Variants in EBF1 observed in about 807,000 individuals in gnomAD.
EBF1 encodes the protein transcription factor COE1.
In EBF1, 10 loss-of-function variants were observed where a neutral mutation model predicts 68.4. The observed-to-expected ratio is 0.15, with a 90% CI of 0.09 to 0.25. EBF1 has a LOEUF of 0.25. Among genes scored for constraint, EBF1 ranks in the 10% least tolerant of loss-of-function variants. The pLI is 1.00. For missense variants in EBF1, 509 were observed against 794.4 expected (o/e 0.64, Z 4.32); for synonymous variants, 298 against 299.8 (o/e 0.99, Z 0.06).
At chr5:158,704,541 C>T (rs1757450718) in intron 15 of EBF1, among the ~76,000 whole-genome samples, 1 of 152,062 alleles carries the variant, frequency 6.6e-6, no homozygotes, top group Admixed American at 6.5e-5. Flanking sequence ...GAAGTAGGTG[C>T]TACTGTAACA....
intron 9 of EBF1, among the ~76,000 whole-genome samples, chr5:158,785,181 A>T (rs2127709422): frequency 6.6e-6 from 1 of 152,318 alleles, no homozygotes; most frequent in Admixed American, 6.5e-5. Flanking sequence ...GCATAATTAA[A>T]GCTCTAGAAC....
At chr5:158,831,892 GA>G (rs1465907296) in intron 7 of EBF1, among the ~76,000 whole-genome samples, 1 of 152,184 alleles carries the variant, frequency 6.6e-6, no homozygotes, top group Non-Finnish European at 1.5e-5. Context: ...CCTGAGGCAG[GA>G]ATGAGTTTGG....
intron 6 of EBF1, among the ~76,000 whole-genome samples, chr5:159,013,374 C>G (rs1215936944): frequency 6.6e-6 from 1 of 152,162 alleles, no homozygotes; most frequent in African/African-American, 2.4e-5. Flanking sequence ...CTAGGCATGT[C>G]TCTGAAGGAC....
intron 7 of EBF1, among the ~76,000 whole-genome samples, chr5:158,824,152 A>G (rs959512560): frequency 6.6e-6 from 1 of 152,234 alleles, no homozygotes; most frequent in Non-Finnish European, 1.5e-5. Context: ...ATGTTTATTC[A>G]TGCGACCTCT....
At position 158,698,652 on chromosome 5, in the gene EBF1, TTC is replaced by T. The variant is rs200964623; in HGVS notation, c.*457_*458del. On this transcript the variant is annotated 3_prime_UTR_variant, in exon 16 of 16. Transcript: ENST00000313708. Reference sequence around the variant, plus strand: ...CTGTCCCATACAAGCTTTTTTTTTTTTCCTTTTTTTCTTTTTTTTTTTTTTTA... The same window carrying T: ...CTGTCCCATACAAGCTTTTTTTTTTTCTTTTTTTCTTTTTTTTTTTTTTTA... The T allele has an allele frequency of 4.2e-4, 82 of 193,030 alleles. No individual in the cohort carries two copies. Among genetic ancestry groups the T allele is most frequent in the African/African-American group, 1.6e-3 (70 of 42,994 alleles). 12.0% of individuals were successfully genotyped at this position (193,030 alleles called of 1,614,324 possible). A position where few individuals can be genotyped will look rare whatever the true frequency, so the allele number is the denominator to read the frequency against.
intron 6 of EBF1, among the ~76,000 whole-genome samples, chr5:159,067,927 T>C (rs773271039): frequency 1.9e-4 from 29 of 152,142 alleles, no homozygotes; most frequent in Non-Finnish European, 4.0e-4. Flanking sequence ...AGTGAATTCC[T>C]CCTCCTTTTA....
chr5:159,041,749 C>T lies in EBF1; in HGVS notation c.554+31647G>A, dbSNP rs114028103. ...AGAAATCCATAAACTAGAAACAGAC[C>T]AGCTCCTATATTTAGTTCCTTCCTG... On this transcript the variant is annotated intron_variant, in intron 6 of 15. Transcript: ENST00000313708. Among the ~76,000 whole-genome samples the T allele has an allele frequency of 5.5e-3, 843 of 152,188 alleles. 18 individuals are homozygous for T. The highest frequency in any genetic ancestry group is 0.02 in the African/African-American group (822 of 41,508).
intron 6 of EBF1, among the ~76,000 whole-genome samples, chr5:158,970,503 C>T (rs1476204945): frequency 6.6e-6 from 1 of 152,192 alleles, no homozygotes; most frequent in Non-Finnish European, 1.5e-5. Context: ...AGGTCACTGG[C>T]ACACTCCTTA....
At chr5:158,728,259 A>G (rs1168693982) in intron 11 of EBF1, among the ~76,000 whole-genome samples, 1 of 152,202 alleles carries the variant, frequency 6.6e-6, no homozygotes, top group Admixed American at 6.5e-5. Context: ...GGCTCCGGCC[A>G]GCCCTTGCAC....
chr5:158,737,177 G>C (rs545449875), intron 10 of EBF1, among the ~76,000 whole-genome samples: 1 of 147,930 alleles, frequency 6.8e-6, no homozygotes, highest in Non-Finnish European at 1.5e-5. Flanking sequence ...TCTGCAACAA[G>C]AAGGGTGTCA....
chr5:159,010,131 C>A (rs990687673), intron 6 of EBF1, among the ~76,000 whole-genome samples: 22 of 152,096 alleles, frequency 1.4e-4, no homozygotes, highest in African/African-American at 5.1e-4. Context: ...ATTATTGAAA[C>A]AAAAGACAGA....
At position 158,920,176 on chromosome 5, in the gene EBF1, T is replaced by C. The variant is rs991308972; in HGVS notation, c.555-80066A>G. 2.0e-5 allele frequency among the ~76,000 whole-genome samples: 3 copies of C among 150,826 alleles called. No homozygotes were observed. In the South Asian group the frequency reaches 6.2e-4, roughly 31 times the overall value. On this transcript the variant is annotated intron_variant, in intron 6 of 15. Transcript: ENST00000313708. The stretch of plus-strand genomic sequence containing the variant: ...ATATGTGTGTGTGTGTGTGTATGTG[T>C]GTGTGTATACACACATATGCTTAAT...
At chr5:159,054,498 A>AC (rs1774393807) in intron 6 of EBF1, among the ~76,000 whole-genome samples, 1 of 152,116 alleles carries the variant, frequency 6.6e-6, no homozygotes, top group Non-Finnish European at 1.5e-5. Context: ...ATAGAAAAAA[A>AC]TTTTTTTCAA....
intron 10 of EBF1, among the ~76,000 whole-genome samples, chr5:158,770,538 T>C (rs948144035): frequency 6.6e-6 from 1 of 152,168 alleles, no homozygotes; most frequent in Admixed American, 6.5e-5. Context: ...AAGTTTTGCA[T>C]ACCCTTGTCC....
chr5:158,895,227 G>C lies in EBF1; in HGVS notation c.555-55117C>G, dbSNP rs139860354. Among the ~76,000 whole-genome samples, 1,176 of 152,220 alleles carry C rather than the reference G, an allele frequency of 7.7e-3. 8 individuals carry two copies. The highest frequency in any genetic ancestry group is 0.031 in the Middle Eastern group (9 of 294). On this transcript the variant is annotated intron_variant, in intron 6 of 15. Transcript: ENST00000313708. ...TCATTGAGCATTCATTATGCACAGA[G>C]TACTCAGTACAGCACTTTGAAAAAG...
At chr5:158,856,108 C>A (rs1467066856) in intron 6 of EBF1, among the ~76,000 whole-genome samples, 14 of 152,224 alleles carry the variant, frequency 9.2e-5, no homozygotes, top group Admixed American at 8.5e-4. Context: ...ATCCTTAATT[C>A]TTCTCTGAGT....
At chr5:159,031,742 T>C (rs992512195) in intron 6 of EBF1, among the ~76,000 whole-genome samples, 5 of 152,194 alleles carry the variant, frequency 3.3e-5, no homozygotes, top group African/African-American at 7.2e-5. Context: ...TAAAAATACA[T>C]GGAAACCACA....
At chr5:158,736,867 C>T (rs1220744959) in intron 10 of EBF1, among the ~76,000 whole-genome samples, 3 of 152,068 alleles carry the variant, frequency 2.0e-5, no homozygotes, top group African/African-American at 7.2e-5. Context: ...ATATATAAAC[C>T]GAAAAATCAG....
At chr5:159,003,996 G>C (rs988857329) in intron 6 of EBF1, among the ~76,000 whole-genome samples, 2 of 152,172 alleles carry the variant, frequency 1.3e-5, no homozygotes, top group African/African-American at 4.8e-5. Flanking sequence ...TTCTCAGTGG[G>C]CTGGGCACAG....
Sources: allele counts gnomAD v4.1 joint callset (sites outside exome capture counted in the v4.1 genomes callset), GRCh38; gene constraint gnomAD v4.1.1; transcripts MANE v1.5; gene names NCBI Gene and HGNC (gene_info 2026-07-23, HGNC 2026-07-21).